The following EDARADD variants were observed in gnomAD, a reference collection of about 807,000 sequenced individuals.
The protein encoded by EDARADD is ectodysplasin-A receptor-associated adapter protein.
In EDARADD, 20 loss-of-function variants were observed where a neutral mutation model predicts 25.6. The observed-to-expected ratio is 0.78, with a 90% CI of 0.55 to 1.14. The LOEUF is 1.14. EDARADD is among the 50% of genes most tolerant of loss of function. The pLI is 0.00. For synonymous variants in EDARADD, 86 were observed against 94.4 expected (o/e 0.91, Z 0.52); for missense variants, 225 against 270.1 (o/e 0.83, Z 1.17).
chr1:236,477,714 G>A (rs980425385), intron 5 of EDARADD, among the ~76,000 whole-genome samples: 2 of 152,082 alleles, frequency 1.3e-5, no homozygotes, highest in African/African-American at 2.4e-5. Flanking sequence ...ACTAGAAAAG[G>A]TATGGAGATA....
intron 3 of EDARADD, among the ~76,000 whole-genome samples, chr1:236,372,083 AGTAGCTGGGACTACAGGTGT>A (rs1348713309): frequency 2.0e-5 from 3 of 151,792 alleles, no homozygotes; most frequent in African/African-American, 7.3e-5. Context: ...CAGCTTCCTG[AGTAGCTGGGACTACAGGTGT>A]GTGCCATCAC....
intron 3 of EDARADD, among the ~76,000 whole-genome samples, chr1:236,377,101 C>T (rs1435774394): frequency 2.0e-5 from 3 of 149,350 alleles, no homozygotes; most frequent in Admixed American, 6.7e-5. Flanking sequence ...CTATCCATTA[C>T]AGCCCTTAAC....
rs1428519903 is a variant in EDARADD at position 236,386,068 on chromosome 1, C to T, written c.-5-23148C>T. ...TCTGCCGAATGCCTGCAATTGCAGG[C>T]ACGCGCCGCCACGCCTGACTGGTTT... On this transcript the variant is annotated intron_variant, in intron 3 of 7. Transcript: ENST00000439430. 5.9e-5 allele frequency among the ~76,000 whole-genome samples: 2 copies of T among 33,904 alleles called. 1 individual carries two copies. The allele number at this position is 33,904 out of a possible 152,430, so 22.2% of individuals were successfully genotyped here.
intron 4 of EDARADD, among the ~76,000 whole-genome samples, chr1:236,460,265 G>A (rs545649593): frequency 6.8e-6 from 1 of 147,992 alleles, no homozygotes; most frequent in Non-Finnish European, 1.5e-5. Context: ...GCTTACTACA[G>A]CCTCAATCTC....
chr1:236,417,938 T>C (rs1157527902), intron 3 of EDARADD, among the ~76,000 whole-genome samples: 1 of 148,514 alleles, frequency 6.7e-6, no homozygotes, highest in Non-Finnish European at 1.5e-5. Flanking sequence ...TAGACTTTTT[T>C]TTTTTCTCTT....
At chr1:236,355,519 T>C (rs1317700723) in intron 3 of EDARADD, among the ~76,000 whole-genome samples, 1 of 139,712 alleles carries the variant, frequency 7.2e-6, no homozygotes, top group African/African-American at 2.7e-5. Flanking sequence ...TTTTTTTTTT[T>C]TTTTTTTGAG....
At chr1:236,481,164 TAAA>T (rs1035192268) in intron 5 of EDARADD, among the ~76,000 whole-genome samples, 1 of 152,136 alleles carries the variant, frequency 6.6e-6, no homozygotes, top group Non-Finnish European at 1.5e-5. Flanking sequence ...TTGTTGTTTT[TAAA>T]AAAAGACCTT....
chr1:236,351,894 C>T (rs1237363454), intron 3 of EDARADD, among the ~76,000 whole-genome samples: 1 of 151,860 alleles, frequency 6.6e-6, no homozygotes, highest in Admixed American at 6.6e-5. Context: ...ATGAGAATTC[C>T]TGGAAAAAGG....
At chr1:236,453,015 C>T (rs191621197) in intron 4 of EDARADD, among the ~76,000 whole-genome samples, 2 of 152,316 alleles carry the variant, frequency 1.3e-5, no homozygotes, top group Non-Finnish European at 2.9e-5. Flanking sequence ...CCCACTCCCA[C>T]ATAAGGTTGT....
At chr1:236,378,641 T>C (rs1015694330) in intron 3 of EDARADD, among the ~76,000 whole-genome samples, 5 of 152,166 alleles carry the variant, frequency 3.3e-5, no homozygotes, top group African/African-American at 1.2e-4. Flanking sequence ...TGCTGGCCAT[T>C]ATAAAGTTTT....
chr1:236,369,140 T>A (rs1313188143), intron 3 of EDARADD, among the ~76,000 whole-genome samples: 1 of 152,142 alleles, frequency 6.6e-6, no homozygotes, highest in Non-Finnish European at 1.5e-5. Flanking sequence ...TTGTCAATCC[T>A]CCAAATTTGC....
chr1:236,416,890 A>C (rs373196551), intron 3 of EDARADD, among the ~76,000 whole-genome samples: 55 of 152,252 alleles, frequency 3.6e-4, no homozygotes, highest in African/African-American at 1.1e-3. Context: ...GCCATGGCTC[A>C]CACTTGACTC....
Position 236,483,950 on chromosome 1 carries a change from G to A in EDARADD, c.*1301G>A. On this transcript the variant is annotated 3_prime_UTR_variant, in exon 6 of 6. Coordinates refer to ENST00000334232, the MANE Select transcript of EDARADD (RefSeq NM_145861.4). Reference sequence around the variant, plus strand: ...CTGGAAAGTATGACCTGGAATTCAAGTTTCTCGACGACCCCACCAGGTACA... The same window carrying A: ...CTGGAAAGTATGACCTGGAATTCAAATTTCTCGACGACCCCACCAGGTACA... 2 of 1,372,804 alleles carry A rather than the reference G, an allele frequency of 1.5e-6. No individual in the cohort carries two copies. The highest frequency in any genetic ancestry group is 2.3e-5 in the South Asian group (2 of 85,894). 85.0% of individuals were successfully genotyped at this position (1,372,804 alleles called of 1,614,324 possible).
intron 3 of EDARADD, among the ~76,000 whole-genome samples, chr1:236,372,967 G>A (rs1156944958): frequency 1.4e-5 from 2 of 147,608 alleles, no homozygotes; most frequent in Non-Finnish European, 3.0e-5. Context: ...CCAGGCTGGA[G>A]TGCAGTGGTG....
chr1:236,452,375 A>G (rs926565694), intron 4 of EDARADD, among the ~76,000 whole-genome samples: 1 of 151,902 alleles, frequency 6.6e-6, no homozygotes, highest in Non-Finnish European at 1.5e-5. Flanking sequence ...TGTAATCCCC[A>G]TGTGTCTTAG....
intron 1 of EDARADD, among the ~76,000 whole-genome samples, chr1:236,400,720 ATTTT>A (rs55864840): frequency 4.1e-5 from 5 of 121,180 alleles, no homozygotes; most frequent in Non-Finnish European, 6.6e-5. Context: ...ACACCCGGCT[ATTTT>A]TTTTTTTTTT....
intron 3 of EDARADD, among the ~76,000 whole-genome samples, chr1:236,421,489 CTTTTTTTTTTTT>C (rs34922732): frequency 5.3e-5 from 4 of 75,430 alleles, no homozygotes; most frequent in East Asian, 4.1e-4. Flanking sequence ...CTTCCCAGTT[CTTTTTTTTTTTT>C]TTTTTTTTTT....
In EDARADD at chr1:236,483,953, T is replaced by A. The variant is rs191629037; in HGVS notation, c.*1304T>A. ...GAAAGTATGACCTGGAATTCAAGTTTCTCGACGACCCCACCAGGTACATCT... is the reference window on the plus strand; with the variant it reads ...GAAAGTATGACCTGGAATTCAAGTTACTCGACGACCCCACCAGGTACATCT... On this transcript the variant is annotated 3_prime_UTR_variant, in exon 6 of 6. Coordinates refer to ENST00000334232, the MANE Select transcript of EDARADD (RefSeq NM_145861.4). 2.3e-5 allele frequency: 31 copies of A among 1,371,918 alleles called. No homozygotes were observed. The Admixed American group carries it at 2.7e-4, about 12-fold the overall frequency. 85.0% of individuals were successfully genotyped at this position (1,371,918 alleles called of 1,614,324 possible).
upstream of EDARADD, among the ~76,000 whole-genome samples, chr1:236,393,750 A>G (rs183213112): frequency 1.3e-5 from 2 of 152,316 alleles, no homozygotes; most frequent in East Asian, 3.9e-4. Flanking sequence ...AGCAAAAGAA[A>G]TAAAAGTTGA....
Sources: allele counts gnomAD v4.1 joint callset (sites outside exome capture counted in the v4.1 genomes callset), GRCh38; gene constraint gnomAD v4.1.1; transcripts MANE v1.5; gene names NCBI Gene and HGNC (gene_info 2026-07-23, HGNC 2026-07-21).